USP12: variants seen among roughly 807,000 people sequenced by gnomAD.
The protein encoded by USP12 is ubiquitin specific peptidase 12, also known as ubiquitin carboxyl-terminal hydrolase 12.
USP12 carries 19 observed loss-of-function variants against 45.5 expected under a neutral mutation model. The ratio of observed to expected loss-of-function variants is 0.42; its 90% CI spans 0.29 to 0.61. The LOEUF (loss-of-function observed/expected upper bound fraction) is 0.61. Ranked by LOEUF, USP12 falls within the 20% of genes least tolerant of loss-of-function variation. The probability of loss-of-function intolerance (pLI) is 0.22; values close to 1 mark genes in which losing one functional copy is unlikely to be tolerated. For missense variants in USP12, 242 were observed against 447.7 expected (o/e 0.54, Z 4.15); for synonymous variants, 149 against 148.8 (o/e 1.00, Z -0.01).
chr13:27,153,742 C>G (rs568790564), intron 1 of USP12, among the ~76,000 whole-genome samples: 2 of 152,312 alleles, frequency 1.3e-5, no homozygotes, highest in East Asian at 3.9e-4. Flanking sequence ...CCACTCATAC[C>G]TAACAGTTCA....
chr13:27,161,551 AT>A (rs1314641115), intron 1 of USP12, among the ~76,000 whole-genome samples: 2 of 151,310 alleles, frequency 1.3e-5, no homozygotes, highest in Non-Finnish European at 2.9e-5. Context: ...TTAAAAAAAA[AT>A]GTTACTAATA....
Position 27,103,152 on chromosome 13 carries a change from T to C in USP12, c.343+2579A>G, listed in dbSNP as rs963208959. 4.6e-5 allele frequency among the ~76,000 whole-genome samples: 7 copies of C among 152,312 alleles called. No homozygotes were observed. In the East Asian group the frequency reaches 1.4e-3, roughly 29 times the overall value. Reference sequence around the variant, plus strand: ...ATTGAGAATAAAATTTTTAACATAGTATGGCAGGAAATTAATTTAGTAAGA... The same window carrying C: ...ATTGAGAATAAAATTTTTAACATAGCATGGCAGGAAATTAATTTAGTAAGA... On this transcript the variant is annotated intron_variant, in intron 3 of 8. Transcript: ENST00000282344.
At chr13:27,080,245 C>G (rs920954037) in intron 6 of USP12, among the ~76,000 whole-genome samples, 7 of 152,180 alleles carry the variant, frequency 4.6e-5, no homozygotes, top group African/African-American at 1.7e-4. Context: ...TGTGTGCCAA[C>G]AGGTGGTTGC....
chr13:27,136,676 C>A (rs1181934959), intron 1 of USP12, among the ~76,000 whole-genome samples: 1 of 152,082 alleles, frequency 6.6e-6, no homozygotes, highest in African/African-American at 2.4e-5. Context: ...GTTTAGCTTT[C>A]CAAATATGTA....
chr13:27,164,839 T>C (rs1284779377), intron 1 of USP12, among the ~76,000 whole-genome samples: 2 of 152,142 alleles, frequency 1.3e-5, no homozygotes, highest in Non-Finnish European at 2.9e-5. Flanking sequence ...ATTGGGACTG[T>C]AGGTTTTAGA....
intron 4 of USP12, among the ~76,000 whole-genome samples, chr13:27,090,539 T>C (rs1874262363): frequency 6.6e-6 from 1 of 152,194 alleles, no homozygotes; most frequent in Non-Finnish European, 1.5e-5. Flanking sequence ...ATATCTGTAT[T>C]GTCATTAAAA....
chr13:27,155,140 G>A (rs527525750), intron 1 of USP12, among the ~76,000 whole-genome samples: 3 of 139,350 alleles, frequency 2.2e-5, no homozygotes, highest in South Asian at 2.3e-4. Flanking sequence ...GGAGTGCAGT[G>A]GCGCGATCTC....
chr13:27,096,539 C>A (rs1490354669), intron 3 of USP12, among the ~76,000 whole-genome samples: 1 of 152,126 alleles, frequency 6.6e-6, no homozygotes, highest in Non-Finnish European at 1.5e-5. Context: ...ACAACTCTAC[C>A]ATAGAACAGT....
At chr13:27,117,048 C>A (rs1489317618) in intron 1 of USP12, among the ~76,000 whole-genome samples, 1 of 151,956 alleles carries the variant, frequency 6.6e-6, no homozygotes, top group Non-Finnish European at 1.5e-5. Context: ...CAGAGACACC[C>A]TGTAAAAAAA....
chr13:27,072,769 C>T (rs1873304072), intron 7 of USP12, among the ~76,000 whole-genome samples: 1 of 152,078 alleles, frequency 6.6e-6, no homozygotes, highest in Non-Finnish European at 1.5e-5. Context: ...ATACTTAAGT[C>T]AACAAACATT....
chr13:27,103,608 AATAAT>A lies in USP12; in HGVS notation c.343+2118_343+2122del, dbSNP rs1432346865. Among the ~76,000 whole-genome samples, 5 of 32,482 alleles carry A rather than the reference AATAAT, an allele frequency of 1.5e-4. No individual in the cohort carries two copies. In the Admixed American group the frequency reaches 2.2e-3, roughly 14 times the overall value. 21.3% of individuals were successfully genotyped at this position (32,482 alleles called of 152,430 possible). A position where few individuals can be genotyped will look rare whatever the true frequency, so the allele number is the denominator to read the frequency against. On this transcript the variant is annotated intron_variant, in intron 3 of 8. Transcript: ENST00000282344. ...TAACTATTGAACTATCAAAAAAAAA[AATAAT>A]AATAATAATAATAATAAGGCCAGAC...
chr13:27,149,002 G>T (rs1877449067), intron 1 of USP12, among the ~76,000 whole-genome samples: 1 of 151,964 alleles, frequency 6.6e-6, no homozygotes, highest in Non-Finnish European at 1.5e-5. Flanking sequence ...GGGCAACATG[G>T]TGAGAACCCA....
chr13:27,110,851 T>C (rs1433557168), intron 2 of USP12, among the ~76,000 whole-genome samples: 2 of 152,164 alleles, frequency 1.3e-5, no homozygotes, highest in Admixed American at 1.3e-4. Flanking sequence ...ACAATCTCCA[T>C]ATTTTGGAAT....
In USP12 at chr13:27,069,389, G is replaced by C; in HGVS notation, c.1012-5C>G. On this transcript the variant is annotated splice_polypyrimidine_tract_variant and splice_region_variant and intron_variant, in intron 8 of 8. Transcript: ENST00000282344. Reference sequence around the variant, plus strand: ...AATAGCTTGTGCATCTATTTTCTGTGAGGTAAAATGTAAACATTAGTACAT... The same window carrying C: ...AATAGCTTGTGCATCTATTTTCTGTCAGGTAAAATGTAAACATTAGTACAT... The C allele has an allele frequency of 6.2e-7, 1 of 1,606,518 alleles. No individual in the cohort carries two copies. The highest frequency in any genetic ancestry group is 2.2e-5 in the East Asian group (1 of 44,848).
chr13:27,093,199 T>C (rs1286642772), intron 4 of USP12, among the ~76,000 whole-genome samples: 6 of 150,972 alleles, frequency 4.0e-5, no homozygotes, highest in African/African-American at 1.2e-4. Flanking sequence ...AAAAAAAAAC[T>C]TCCACTCTGC....
At chr13:27,099,174 G>A (rs1050224754) in intron 3 of USP12, among the ~76,000 whole-genome samples, 2 of 152,220 alleles carry the variant, frequency 1.3e-5, no homozygotes, top group Non-Finnish European at 2.9e-5. Flanking sequence ...TTCAAAGGAA[G>A]ACGAGATTGA....
chr13:27,118,022 T>C (rs1565995109), intron 1 of USP12, among the ~76,000 whole-genome samples: 1 of 149,238 alleles, frequency 6.7e-6, no homozygotes, highest in Non-Finnish European at 1.5e-5. Context: ...TAGATAAATA[T>C]AACTGCCGGG....
chr13:27,123,102 A>C (rs1255801040), intron 1 of USP12, among the ~76,000 whole-genome samples: 1 of 152,264 alleles, frequency 6.6e-6, no homozygotes, highest in Admixed American at 6.5e-5. Flanking sequence ...AAAAAAAAAA[A>C]AAAATATTTT....
At chr13:27,074,017 G>C (rs1873360277) in intron 7 of USP12, among the ~76,000 whole-genome samples, 1 of 152,206 alleles carries the variant, frequency 6.6e-6, no homozygotes, top group African/African-American at 2.4e-5. Flanking sequence ...TCTTGCTGAG[G>C]ATAAAAGACG....
Sources: allele counts gnomAD v4.1 joint callset (sites outside exome capture counted in the v4.1 genomes callset), GRCh38; gene constraint gnomAD v4.1.1; transcripts MANE v1.5; gene names NCBI Gene and HGNC (gene_info 2026-07-23, HGNC 2026-07-21).